The following CRYGS variants were observed in gnomAD, a reference collection of about 807,000 sequenced individuals.
CRYGS encodes the protein crystallin gamma S.
Under a neutral mutation model 21.3 loss-of-function variants are expected in CRYGS, and 13 were observed. The observed-to-expected ratio is 0.61, with a 90% confidence interval of 0.40 to 0.97. The LOEUF (loss-of-function observed/expected upper bound fraction) is 0.97, where lower values mean the gene tolerates loss of function less well. CRYGS is among the 50% of genes least tolerant of loss of function. The pLI, the probability that CRYGS is intolerant of heterozygous loss-of-function variation, is 0.00. For synonymous variants in CRYGS, 67 were observed against 75.0 expected, an observed-to-expected ratio of 0.89 and a Z score of 0.55; for missense variants, 205 against 229.7, an observed-to-expected ratio of 0.89 and a Z score of 0.69.
rs928671942 is a variant in CRYGS at position 186,539,406 on chromosome 3, C to G, written c.213G>C (p.Gln71His). ...ILPQGEYPEYQRWMGLNDRLS... is the reference protein window; with the variant it reads ...ILPQGEYPEYHRWMGLNDRLS... ...GGCGGTCGTTGAGGCCCATCCAACG[C>G]TGGTATTCAGGGTACTCTCCCTGTG... The change falls in exon 2 of 3, where the codon CAG becomes CAC. Residue 71 changes from glutamine to histidine, a missense_variant. Coordinates refer to ENST00000307944, the MANE Select transcript of CRYGS (RefSeq NM_017541.4). The G allele has an allele frequency of 3.7e-6, 6 of 1,612,228 alleles. No individual in the cohort carries two copies. The highest frequency in any genetic ancestry group is 3.3e-5 in the South Asian group (3 of 91,002).
In CRYGS at chr3:186,538,774, G is replaced by T; in HGVS notation, c.459C>A (p.Asp153Glu). ...CGATGGGCTTCCGGTACTCCTTCTT[G>T]TCCAGGAGGTACTGCCTGCCACGGT... ...PNYRGRQYLL[D>E]KKEYRKPIDW... Residue 153 changes from aspartate to glutamate, a missense_variant, in exon 3 of 3, where the codon GAC (aspartate) becomes GAA (glutamate). Coordinates refer to ENST00000307944, the MANE Select transcript of CRYGS (RefSeq NM_017541.4). 2 of 1,614,128 alleles carry T rather than the reference G, an allele frequency of 1.2e-6. No individual in the cohort carries two copies. The highest frequency in any genetic ancestry group is 1.7e-6 in the Non-Finnish European group (2 of 1,180,022).
chr3:186,538,720 C>G lies in CRYGS; in HGVS notation c.513G>C (p.Gln171His). ...ATTACTCCACAATGCGGCGGAAAGA[C>G]TGGACAGCTGGGGAGGCTGCACCCC... is the stretch of plus-strand genomic sequence containing the variant. ...IDWGAASPAV[Q>H]SFRRIVE The change falls in exon 3 of 3, where the codon CAG (glutamine) becomes CAC (histidine). Residue 171 changes from glutamine to histidine, a missense_variant. Coordinates refer to ENST00000307944, the MANE Select transcript of CRYGS (RefSeq NM_017541.4). The G allele has an allele frequency of 6.2e-7, 1 of 1,614,214 alleles. No homozygotes were observed. Among genetic ancestry groups the G allele is most frequent in the Non-Finnish European group, 8.5e-7 (1 of 1,180,038 alleles).
chr3:186,539,381 G>C lies in CRYGS; in HGVS notation c.238C>G (p.Leu80Val). The C allele has an allele frequency of 1.2e-6, 2 of 1,612,222 alleles. No individual in the cohort carries two copies. Among genetic ancestry groups the C allele is most frequent in the Non-Finnish European group, 1.7e-6 (2 of 1,180,010 alleles). The change falls in exon 2 of 3, where the codon CTC (leucine) becomes GTC (valine). Residue 80 changes from leucine (L) to valine (V), a missense_variant. Coordinates refer to ENST00000307944, the MANE Select transcript of CRYGS (RefSeq NM_017541.4). The stretch of plus-strand genomic sequence containing the variant: ...AGATGAACAGCTCTGCAGGAGCTGA[G>C]GCGGTCGTTGAGGCCCATCCAACGC... ...YQRWMGLNDRLSSCRAVHLPS... is the reference protein window; with the variant it reads ...YQRWMGLNDRVSSCRAVHLPS...
intron 2 of CRYGS, 27 bp downstream of exon 2, chr3:186,539,326 CAG>C (rs1190128038): frequency 6.2e-7 from 1 of 1,612,008 alleles, no homozygotes; most frequent in South Asian, 1.1e-5. Flanking sequence ...GCGTGGGAAA[CAG>C]AGGGAGTACA....
chr3:186,538,951 A>T lies in CRYGS; in HGVS notation c.282T>A (p.Tyr94Ter). ...RAVHLPSGGQ[Y>*]KIQIFEKGDF... ...CCCCTTTCTCAAAGATCTGAATCTT[A>T]TACTGGCCTCCACTAGGCTGAAAAG... Residue 94 changes from tyrosine (Y) to a stop codon, truncating the protein, a stop_gained, in exon 3 of 3, where the codon TAT becomes TAA. Coordinates refer to ENST00000307944, the MANE Select transcript of CRYGS (RefSeq NM_017541.4). LOFTEE classifies it high-confidence loss of function. 1.2e-6 allele frequency: 2 copies of T among 1,614,138 alleles called. No homozygotes were observed. The highest frequency in any genetic ancestry group is 1.7e-6 in the Non-Finnish European group (2 of 1,180,002).
intron 1 of CRYGS, among the ~76,000 whole-genome samples, chr3:186,542,574 T>TA: frequency 6.6e-6 from 1 of 152,292 alleles, no homozygotes; most frequent in Middle Eastern, 3.4e-3. Flanking sequence ...ACATACTTAG[T>TA]AAAATCTATT....
intron 1 of CRYGS, among the ~76,000 whole-genome samples, chr3:186,542,368 T>A (rs1015478769): frequency 3.9e-5 from 6 of 152,222 alleles, no homozygotes; most frequent in Admixed American, 1.3e-4. Flanking sequence ...AACCATGAAA[T>A]CCATGCTATT....
At chr3:186,539,319 TG>T (rs1693110847) in intron 2 of CRYGS, 35 bp downstream of exon 2, 1 of 1,611,728 alleles carries the variant, frequency 6.2e-7, no homozygotes. Flanking sequence ...ACAGAGGGCG[TG>T]GGAAACAGAG....
At chr3:186,541,349 C>T (rs1038511834) in intron 1 of CRYGS, among the ~76,000 whole-genome samples, 1 of 152,116 alleles carries the variant, frequency 6.6e-6, no homozygotes, top group Non-Finnish European at 1.5e-5. Context: ...TTCCTTCCCA[C>T]CCCTAAATCA....
chr3:186,538,750 G>C lies in CRYGS; in HGVS notation c.483C>G (p.Ile161Met), dbSNP rs534899358. 6.2e-7 allele frequency: 1 copy of C among 1,614,168 alleles called. No individual in the cohort carries two copies. The highest frequency in any genetic ancestry group is 1.1e-5 in the South Asian group (1 of 91,086). Reference protein sequence around the residue: ...LLDKKEYRKPIDWGAASPAVQ... With the variant: ...LLDKKEYRKPMDWGAASPAVQ... ...CAGCTGGGGAGGCTGCACCCCAATC[G>C]ATGGGCTTCCGGTACTCCTTCTTGT... is the stretch of plus-strand genomic sequence containing the variant. The change falls in exon 3 of 3, where the codon ATC (isoleucine) becomes ATG (methionine). Residue 161 changes from isoleucine (I) to methionine (M), a missense_variant. Coordinates refer to ENST00000307944, the MANE Select transcript of CRYGS (RefSeq NM_017541.4).
At chr3:186,538,994 C>G in intron 2 of CRYGS, 26 bp from the exon 3 acceptor site, 1 of 1,612,912 alleles carries the variant, frequency 6.2e-7, no homozygotes, top group Non-Finnish European at 8.5e-7. Context: ...AGAAAATGAA[C>G]AGAAACCATT....
Position 186,538,609 on chromosome 3 carries a change from G to T in CRYGS, c.*87C>A. 1 of 1,548,208 alleles carries T rather than the reference G, an allele frequency of 6.5e-7. No homozygotes were observed. Among genetic ancestry groups the T allele is most frequent in the Non-Finnish European group, 8.9e-7 (1 of 1,123,198 alleles). On this transcript the variant is annotated 3_prime_UTR_variant, in exon 3 of 3. Transcript: ENST00000307944. ...CATTATAGTCAGCAGTGGGATGCAT[G>T]CCAACTGTTTTATTGATGATGCCTA...
intron 1 of CRYGS, among the ~76,000 whole-genome samples, chr3:186,542,120 G>A (rs372739325): frequency 3.3e-5 from 5 of 152,184 alleles, no homozygotes; most frequent in South Asian, 2.1e-4. Flanking sequence ...GCACATTTGC[G>A]TGACTAATTA....
In CRYGS at chr3:186,538,705, A is replaced by G; in HGVS notation, c.528T>C (p.Ile176=). 1 of 1,614,130 alleles carries G rather than the reference A, an allele frequency of 6.2e-7. No individual in the cohort carries two copies. Among genetic ancestry groups the G allele is most frequent in the Non-Finnish European group, 8.5e-7 (1 of 1,180,000 alleles). The change falls in exon 3 of 3, where the codon ATT becomes ATC. Residue 176 remains isoleucine (I), a synonymous_variant. Transcript: ENST00000307944. The part of the protein sequence containing the change: ...ASPAVQSFRR[I]VE ...GGCCCCATTCATGTCATTACTCCAC[A>G]ATGCGGCGGAAAGACTGGACAGCTG...
In CRYGS at chr3:186,538,611, C is replaced by T; in HGVS notation, c.*85G>A. 1 of 1,562,472 alleles carries T rather than the reference C, an allele frequency of 6.4e-7. No homozygotes were observed. The highest frequency in any genetic ancestry group is 1.1e-5 in the South Asian group (1 of 89,482). ...TTATAGTCAGCAGTGGGATGCATGC[C>T]AACTGTTTTATTGATGATGCCTATT... On this transcript the variant is annotated 3_prime_UTR_variant, in exon 3 of 3. Coordinates refer to ENST00000307944, the MANE Select transcript of CRYGS (RefSeq NM_017541.4).
rs547749163 is a variant in CRYGS, at chr3:186,543,995, C to T, written c.21+311G>A. On this transcript the variant is annotated intron_variant, in intron 1 of 2. Coordinates refer to ENST00000307944, the MANE Select transcript of CRYGS (RefSeq NM_017541.4). ...GCTCAATATAATCCCCATTAGCATGCCTTATTCCTATGGAGAATATCAGTT... is the reference window on the plus strand; with the variant it reads ...GCTCAATATAATCCCCATTAGCATGTCTTATTCCTATGGAGAATATCAGTT... 3.9e-5 allele frequency among the ~76,000 whole-genome samples: 6 copies of T among 152,210 alleles called. 1 individual carries two copies. Among genetic ancestry groups the T allele is most frequent in the South Asian group, 2.1e-4 (1 of 4,810 alleles).
At position 186,539,519 on chromosome 3, in the gene CRYGS, G is replaced by A; in HGVS notation, c.100C>T (p.Leu34=). The A allele has an allele frequency of 2.5e-6, 4 of 1,614,022 alleles. No homozygotes were observed. The highest frequency in any genetic ancestry group is 3.4e-4 in the Middle Eastern group (2 of 5,950). ...ACTTTAATGGAGTTGCAGCGACTTAGGTATGTGTGGAAATCTGCACAGTCG... is the reference window on the plus strand; with the variant it reads ...ACTTTAATGGAGTTGCAGCGACTTAAGTATGTGTGGAAATCTGCACAGTCG... ...DCDCADFHTY[L]SRCNSIKVEG... Residue 34 remains leucine (L), a synonymous_variant, in exon 2 of 3, where the codon CTA becomes TTA. Transcript: ENST00000307944.
intron 1 of CRYGS, among the ~76,000 whole-genome samples, chr3:186,541,364 C>T (rs1714062078): frequency 6.6e-6 from 1 of 152,124 alleles, no homozygotes; most frequent in African/African-American, 2.4e-5. Flanking sequence ...AAATCATCTA[C>T]TTCCTCTCCT....
At chr3:186,539,020 A>G (rs1364671990) in intron 2 of CRYGS, 52 bp from the exon 3 acceptor site, 2 of 1,599,962 alleles carry the variant, frequency 1.3e-6, no homozygotes, top group Non-Finnish European at 1.7e-6. Context: ...AATCACCAGC[A>G]GGTCAAGAAC....
Sources: gnomAD v4.1 joint callset for allele counts (sites outside exome capture counted in the v4.1 genomes callset) on GRCh38, gnomAD v4.1.1 for gene constraint, MANE v1.5 for transcripts, NCBI Gene and HGNC (gene_info 2026-07-23, HGNC 2026-07-21) for gene names.